Variants in NBAS observed in about 807,000 individuals in gnomAD.
NBAS encodes the protein NAG/BC035112 fusion.
NBAS carries 219 observed loss-of-function variants against 302.5 expected under a neutral mutation model. The observed-to-expected ratio is 0.72, with a 90% CI of 0.65 to 0.81. NBAS has a LOEUF of 0.81. NBAS is among the 30% of genes least tolerant of loss of function. The pLI, the probability that NBAS is intolerant of heterozygous loss-of-function variation, is 0.00. For synonymous variants in NBAS, 1,118 were observed against 1,021.6 expected (o/e 1.09, Z -1.80); for missense variants, 2,932 against 2,841.6 (o/e 1.03, Z -0.72).
chr2:15,135,005 T>C, the NBAS span, among the ~76,000 whole-genome samples: 7 of 152,106 alleles, frequency 4.6e-5, no homozygotes, highest in Non-Finnish European at 1.0e-4. Context: ...GGAGATAAAA[T>C]AGATTTTAGA....
At chr2:15,071,941 T>C in the NBAS span, among the ~76,000 whole-genome samples, 6 of 152,222 alleles carry the variant, frequency 3.9e-5, no homozygotes, top group Admixed American at 3.9e-4. Context: ...AGTGTATTGA[T>C]TACATCTTTG....
At chr2:15,236,171 A>G (rs1298116706) in intron 45 of NBAS, among the ~76,000 whole-genome samples, 1 of 152,190 alleles carries the variant, frequency 6.6e-6, no homozygotes, top group Non-Finnish European at 1.5e-5. Flanking sequence ...ACTCACAAGT[A>G]GCTATATGGT....
At position 15,178,977 on chromosome 2, in the gene NBAS, A is replaced by T; in HGVS notation, c.6840+11T>A. ...AAAAAAAAGAAAGAAAGTAAATTCAACTGGGCATACCGTAGTGACTGCCGT... is the reference window on the plus strand; with the variant it reads ...AAAAAAAAGAAAGAAAGTAAATTCATCTGGGCATACCGTAGTGACTGCCGT... On this transcript the variant is annotated intron_variant, in intron 51 of 51. Coordinates refer to ENST00000281513, the MANE Select transcript of NBAS (RefSeq NM_015909.4). 6.2e-7 allele frequency: 1 copy of T among 1,613,846 alleles called. No homozygotes were observed. The highest frequency in any genetic ancestry group is 8.5e-7 in the Non-Finnish European group (1 of 1,179,960).
At chr2:15,335,544 T>A (rs1309518950) in intron 35 of NBAS, among the ~76,000 whole-genome samples, 1 of 152,206 alleles carries the variant, frequency 6.6e-6, no homozygotes, top group Non-Finnish European at 1.5e-5. Context: ...TGTAATGGTA[T>A]CTCTTTGTGG....
chr2:15,087,050 A>AT, the NBAS span, among the ~76,000 whole-genome samples: 2 of 150,900 alleles, frequency 1.3e-5, no homozygotes, highest in Non-Finnish European at 3.0e-5. Context: ...CTGGAACATC[A>AT]TTTTTTTCCC....
chr2:15,548,025 C>G (rs192147574), intron 6 of NBAS, among the ~76,000 whole-genome samples: 1 of 152,124 alleles, frequency 6.6e-6, no homozygotes, highest in East Asian at 1.9e-4. Context: ...GACAGTTTTC[C>G]ACAAATTTAT....
intron 48 of NBAS, among the ~76,000 whole-genome samples, chr2:15,200,586 C>T (rs1665829458): frequency 6.6e-6 from 1 of 152,142 alleles, no homozygotes; most frequent in Non-Finnish European, 1.5e-5. Context: ...TTATTTCATA[C>T]TGACACAACT....
chr2:15,473,066 T>C (rs957249581), intron 16 of NBAS, among the ~76,000 whole-genome samples, 156 bp downstream of exon 16: 4 of 152,176 alleles, frequency 2.6e-5, no homozygotes, highest in Non-Finnish European at 5.9e-5. Flanking sequence ...CAATAAAATC[T>C]AACAAAAAGA....
chr2:15,202,620 ACCTC>A (rs1450845809), intron 48 of NBAS, among the ~76,000 whole-genome samples: 1 of 151,836 alleles, frequency 6.6e-6, no homozygotes, highest in Admixed American at 6.6e-5. Flanking sequence ...GCTCACTGCA[ACCTC>A]CGCCTCCTGG....
the NBAS span, among the ~76,000 whole-genome samples, chr2:15,070,309 A>G: frequency 1.3e-5 from 2 of 152,118 alleles, no homozygotes; most frequent in African/African-American, 4.8e-5. Flanking sequence ...CTCTTTTTGT[A>G]TACACAGGGT....
In NBAS at chr2:15,468,549, G is replaced by T; in HGVS notation, c.1726-16C>A. 1 of 1,613,032 alleles carries T rather than the reference G, an allele frequency of 6.2e-7. No individual in the cohort carries two copies. The highest frequency in any genetic ancestry group is 8.5e-7 in the Non-Finnish European group (1 of 1,179,120). On this transcript the variant is annotated splice_polypyrimidine_tract_variant and intron_variant, in intron 16 of 51. Transcript: ENST00000281513. ...TTATTTTACTCTGCATATAAAGGAA[G>T]AAACAGAGGAATTACAGAATCCATG...
chr2:15,455,534 T>C (rs1679211133), intron 21 of NBAS, among the ~76,000 whole-genome samples: 1 of 152,058 alleles, frequency 6.6e-6, no homozygotes, highest in Admixed American at 6.6e-5. Context: ...ATGAAGTATA[T>C]AAGCACATAA....
chr2:14,858,162 C>T, the NBAS span, among the ~76,000 whole-genome samples: 3 of 151,946 alleles, frequency 2.0e-5, no homozygotes, highest in African/African-American at 7.2e-5. Context: ...AAAAGTCAGG[C>T]AATAACAAAT....
At chr2:15,374,050 T>C (rs1337715315) in intron 31 of NBAS, among the ~76,000 whole-genome samples, 1 of 152,178 alleles carries the variant, frequency 6.6e-6, no homozygotes, top group East Asian at 1.9e-4. Context: ...AGGATGCTTG[T>C]TTGGGATGAT....
At chr2:15,358,280 C>T (rs13014988) in intron 32 of NBAS, among the ~76,000 whole-genome samples, 77,715 of 151,874 alleles carry the variant, frequency 0.51, 23,228 homozygotes, top group Non-Finnish European at 0.68. Flanking sequence ...AAATCCCTAC[C>T]GTTTTTTTCA....
chr2:15,287,838 C>T (rs1028382335), intron 41 of NBAS, among the ~76,000 whole-genome samples: 2 of 151,330 alleles, frequency 1.3e-5, no homozygotes, highest in Non-Finnish European at 3.0e-5. Flanking sequence ...CTGAGCACCC[C>T]GTGTAGGCAT....
the NBAS span, among the ~76,000 whole-genome samples, chr2:14,952,667 A>C: frequency 2.0e-5 from 3 of 152,192 alleles, no homozygotes. Flanking sequence ...TAAGCAGAGA[A>C]ATGACCTGAT....
chr2:14,911,295 G>C, the NBAS span, among the ~76,000 whole-genome samples: 54 of 152,202 alleles, frequency 3.5e-4, no homozygotes, highest in African/African-American at 1.2e-3. Context: ...TTCTCTCCAG[G>C]CTATTTGACC....
At chr2:15,091,469 C>A in the NBAS span, among the ~76,000 whole-genome samples, 42 of 151,912 alleles carry the variant, frequency 2.8e-4, no homozygotes, top group Non-Finnish European at 5.4e-4. Context: ...ATTTTCTCTT[C>A]CTTGTGGTTT....
Sources: allele counts gnomAD v4.1 joint callset (sites outside exome capture counted in the v4.1 genomes callset), GRCh38; gene constraint gnomAD v4.1.1; transcripts MANE v1.5; gene names NCBI Gene and HGNC (gene_info 2026-07-23, HGNC 2026-07-21).